Variants in ADGRG3 observed in about 807,000 individuals in gnomAD.
ADGRG3 encodes G protein-coupled receptor 97.
Under a neutral mutation model 54.3 loss-of-function variants are expected in ADGRG3, and 39 were observed. That is an observed-to-expected ratio of 0.72 (90% CI 0.56 to 0.94). The LOEUF (loss-of-function observed/expected upper bound fraction) is 0.94. Among genes scored for constraint, ADGRG3 ranks in the 40% least tolerant of loss-of-function variants. The probability of loss-of-function intolerance (pLI) is 0.00; values close to 1 mark genes in which losing one functional copy is unlikely to be tolerated. For missense variants in ADGRG3, 654 were observed against 694.6 expected (o/e 0.94, Z 0.66); for synonymous variants, 312 against 290.0 (o/e 1.08, Z -0.77).
chr16:57,675,791 G>C (rs2148700800), intron 2 of ADGRG3, among the ~76,000 whole-genome samples: 1 of 152,294 alleles, frequency 6.6e-6, no homozygotes, highest in East Asian at 1.9e-4. Context: ...AGGCAGATTA[G>C]TGATTGCAGG....
intron 5 of ADGRG3, 54 bp downstream of exon 5, chr16:57,679,365 C>A (rs1451193031): frequency 1.0e-5 from 16 of 1,596,284 alleles, no homozygotes; most frequent in African/African-American, 1.3e-5. Context: ...GGCGAGTGGG[C>A]ACACCTGGGC....
intron 1 of ADGRG3, among the ~76,000 whole-genome samples, chr16:57,669,246 C>T (rs1237573873): frequency 2.6e-5 from 4 of 152,234 alleles, no homozygotes; most frequent in Admixed American, 6.5e-5. Flanking sequence ...GTGTGTCCAG[C>T]GTGTGGTCGC....
At position 57,685,681 on chromosome 16, in the gene ADGRG3, A is replaced by G. The variant is rs1567862261; in HGVS notation, c.1295A>G (p.Tyr432Cys). 1.2e-6 allele frequency: 2 copies of G among 1,614,144 alleles called. No homozygotes were observed. The highest frequency in any genetic ancestry group is 1.7e-6 in the Non-Finnish European group (2 of 1,180,028). ...FREGTTMYAL[Y>C]ITVHGYFLIT... ...GAAGGGACAACCATGTACGCCCTCT[A>G]TATCACCGTCCACGGCTACTTCCTC... is the stretch of plus-strand genomic sequence containing the variant. The change falls in exon 11 of 12, where the codon TAT becomes TGT. Residue 432 changes from tyrosine to cysteine, a missense_variant. Coordinates refer to ENST00000333493, the MANE Select transcript of ADGRG3 (RefSeq NM_170776.5).
At chr16:57,682,750 G>A (rs2048397164) in intron 8 of ADGRG3, 2 of 540,778 alleles carry the variant, frequency 3.7e-6, no homozygotes, top group South Asian at 1.6e-4. Flanking sequence ...AGGGAGGTGA[G>A]CCTGGTGAGT....
chr16:57,684,334 G>T lies in ADGRG3; in HGVS notation c.1163-56G>T, dbSNP rs375644991. 1.1e-5 allele frequency: 18 copies of T among 1,569,828 alleles called. No homozygotes were observed. The African/African-American group carries it at 2.4e-4, about 21-fold the overall frequency. ...GGGATGGCCATCTGGAGGGGACGTG[G>T]AGGAGGAAGTGCCAGTAAGCCCCAG... On this transcript the variant is annotated intron_variant, in intron 9 of 11. Transcript: ENST00000333493.
chr16:57,684,031 G>A lies in ADGRG3; in HGVS notation c.981G>A (p.Val327=). ...FLLNLAFLVN[V]GSGSKGSDAA... is the part of the protein sequence containing the mutation. ...TGAATCTGGCCTTCTTGGTCAATGT[G>A]GGGAGTGGCTCAAAGGGGTCTGATG... Residue 327 remains valine (V), a synonymous_variant, in exon 9 of 12, where the codon GTG becomes GTA. Coordinates refer to ENST00000333493, the MANE Select transcript of ADGRG3 (RefSeq NM_170776.5). 1 of 1,613,680 alleles carries A rather than the reference G, an allele frequency of 6.2e-7. No individual in the cohort carries two copies. The highest frequency in any genetic ancestry group is 1.1e-5 in the South Asian group (1 of 91,060).
Position 57,680,556 on chromosome 16 carries a change from G to A in ADGRG3, c.820G>A (p.Ala274Thr), listed in dbSNP as rs2048349387. The A allele has an allele frequency of 6.2e-7, 1 of 1,613,990 alleles. No homozygotes were observed. Among genetic ancestry groups the A allele is most frequent in the South Asian group, 1.1e-5 (1 of 91,070 alleles). ...GCATATCCTCACACGCATCTCCCAG[G>A]CGGGCTGTGGGGTCTCCATGATCTT... ...TVHILTRISQ[A>T]GCGVSMIFLA... The change falls in exon 8 of 12, where the codon GCG (alanine) becomes ACG (threonine). Residue 274 changes from alanine (A) to threonine (T), a missense_variant. Transcript: ENST00000333493.
chr16:57,678,462 C>T, intron 4 of ADGRG3, 146 bp downstream of exon 4: 1 of 695,576 alleles, frequency 1.4e-6, no homozygotes, highest in East Asian at 2.7e-5. Flanking sequence ...CAGCCCGTGG[C>T]CATCTCAGAC....
chr16:57,679,928 G>T, intron 6 of ADGRG3, 73 bp downstream of exon 6: 1 of 1,217,256 alleles, frequency 8.2e-7, no homozygotes, highest in Non-Finnish European at 1.2e-6. Context: ...GGCGGGGCTA[G>T]CTCCACTGGC....
chr16:57,679,792 C>T (rs776138526), intron 5 of ADGRG3, 24 bp from the exon 6 acceptor site: 4 of 1,607,994 alleles, frequency 2.5e-6, no homozygotes, highest in South Asian at 2.2e-5. Flanking sequence ...TTCCTCTCTC[C>T]TGACTTCCAC....
At chr16:57,676,590 C>A (rs780224320) in intron 3 of ADGRG3, among the ~76,000 whole-genome samples, 3 of 152,218 alleles carry the variant, frequency 2.0e-5, no homozygotes, top group Non-Finnish European at 4.4e-5. Flanking sequence ...TGGGTTTATG[C>A]TGGTCTGGAT....
intron 2 of ADGRG3, among the ~76,000 whole-genome samples, chr16:57,674,305 G>T (rs1352900945): frequency 1.3e-5 from 2 of 152,162 alleles, no homozygotes; most frequent in South Asian, 2.1e-4. Context: ...CAAGAGACTG[G>T]TTAGATGTGG....
chr16:57,688,356 C>T lies in ADGRG3; in HGVS notation c.1545C>T (p.Val515=), dbSNP rs528643107. ...IFALFNSLQG[V]FICCWFTILY... Reference sequence around the variant, plus strand: ...GAGGCCTCTCCTTCCTAACAGGTGTCTTCATCTGCTGCTGGTTCACCATCC... The same window carrying T: ...GAGGCCTCTCCTTCCTAACAGGTGTTTTCATCTGCTGCTGGTTCACCATCC... The change falls in exon 12 of 12, where the codon GTC becomes GTT. Residue 515 remains valine, a synonymous_variant. Transcript: ENST00000333493. 5 of 1,608,006 alleles carry T rather than the reference C, an allele frequency of 3.1e-6. No homozygotes were observed. The highest frequency in any genetic ancestry group is 2.2e-5 in the East Asian group (1 of 44,838).
In ADGRG3 at chr16:57,684,467, C is replaced by T. The variant is rs199585043; in HGVS notation, c.1240C>T (p.Arg414Cys). 9.5e-5 allele frequency: 154 copies of T among 1,613,240 alleles called. No individual in the cohort carries two copies. In the East Asian group the frequency reaches 2.1e-3, roughly 22 times the overall value. ...GLYTIRDRENRTSLELCWFRE... is the reference protein window; with the variant it reads ...GLYTIRDRENCTSLELCWFRE... ...CTACACCATCCGTGATAGGGAGAAC[C>T]GCACCTCTCTGGAGCTGTGAGTGGC... The change falls in exon 10 of 12, where the codon CGC becomes TGC. Residue 414 changes from arginine (R) to cysteine (C), a missense_variant. By Grantham distance (180) the Arg-to-Cys change is radical (BLOSUM62 -3). Transcript: ENST00000333493.
chr16:57,688,731 C>T lies in ADGRG3; in HGVS notation c.*270C>T. On this transcript the variant is annotated 3_prime_UTR_variant, in exon 12 of 12. Coordinates refer to ENST00000333493, the MANE Select transcript of ADGRG3 (RefSeq NM_170776.5). ...GCAAAGAGTGACAGTCACCTCCATG[C>T]CCTGCCCTCATTGCAAAGCCCTCAC... The T allele has an allele frequency of 7.5e-6, 3 of 398,018 alleles. 1 individual carries two copies. The South Asian group carries it at 9.9e-5, about 13-fold the overall frequency. The allele number at this position is 398,018 out of a possible 1,614,324, so 24.7% of individuals were successfully genotyped here.
intron 1 of ADGRG3, among the ~76,000 whole-genome samples, chr16:57,669,255 G>A (rs1020330526): frequency 2.6e-5 from 4 of 152,222 alleles, no homozygotes; most frequent in African/African-American, 9.6e-5. Context: ...GCGTGTGGTC[G>A]CGTGACTTTG....
At chr16:57,678,818 CA>C in intron 4 of ADGRG3, 1 of 346,664 alleles carries the variant, frequency 2.9e-6, no homozygotes, top group South Asian at 3.4e-5. Context: ...CTACCGAATG[CA>C]CACTCACGCT....
At position 57,688,407 on chromosome 16, in the gene ADGRG3, A is replaced by AC; in HGVS notation, c.1596_1597insC (p.Val533ArgfsTer34). The AC allele has an allele frequency of 6.2e-7, 1 of 1,613,776 alleles. No homozygotes were observed. The highest frequency in any genetic ancestry group is 8.5e-7 in the Non-Finnish European group (1 of 1,179,696). ...TTTACCTCCCAAGTCAGAGCACCAC[A>AC]GTCTCCTCCTCTACTGCAAGATTGG... On this transcript the variant is annotated frameshift_variant, in exon 12 of 12. Coordinates refer to ENST00000333493, the MANE Select transcript of ADGRG3 (RefSeq NM_170776.5). LOFTEE classifies it low-confidence loss of function (END_TRUNC).
chr16:57,670,695 C>T (rs2048140011), intron 1 of ADGRG3, among the ~76,000 whole-genome samples: 1 of 152,146 alleles, frequency 6.6e-6, no homozygotes, highest in African/African-American at 2.4e-5. Context: ...ATTTACAGTT[C>T]CTTTATAAAC....
Sources: allele counts gnomAD v4.1 joint callset (sites outside exome capture counted in the v4.1 genomes callset), GRCh38; gene constraint gnomAD v4.1.1; transcripts MANE v1.5; gene names NCBI Gene and HGNC (gene_info 2026-07-23, HGNC 2026-07-21).